The following CCDC15 variants were observed in gnomAD, a reference collection of about 807,000 sequenced individuals.
The protein encoded by CCDC15 is coiled-coil domain-containing protein 15.
A neutral mutation model predicts 114.5 loss-of-function variants in CCDC15; 105 were observed. That is an observed-to-expected ratio of 0.92 (90% CI 0.78 to 1.08). The LOEUF is 1.08. Ranked by LOEUF, CCDC15 falls within the 50% of genes least tolerant of loss-of-function variation. The probability of loss-of-function intolerance (pLI) is 0.00; values close to 1 mark genes in which losing one functional copy is unlikely to be tolerated. For missense variants in CCDC15, 1,105 were observed against 1,093.6 expected (o/e 1.01, Z -0.15); for synonymous variants, 334 against 377.8 (o/e 0.88, Z 1.34).
At chr11:124,956,089 C>T (rs1947544257) in intron 2 of CCDC15, among the ~76,000 whole-genome samples, 1 of 151,972 alleles carries the variant, frequency 6.6e-6, no homozygotes, top group Non-Finnish European at 1.5e-5. Context: ...TGGTTGCTGA[C>T]AGGATTATGG....
rs578176293 is a variant in CCDC15 at position 124,970,058 on chromosome 11, A to G, written c.517-5038A>G. Reference sequence around the variant, plus strand: ...AAACTGAGACAGTTCTAGGTAAACTAGTATAGTTGGTCACCTTGTTTCTAC... The same window carrying G: ...AAACTGAGACAGTTCTAGGTAAACTGGTATAGTTGGTCACCTTGTTTCTAC... On this transcript the variant is annotated intron_variant, in intron 4 of 15. Transcript: ENST00000344762. Among the ~76,000 whole-genome samples, 466 of 152,302 alleles carry G rather than the reference A, an allele frequency of 3.1e-3. 1 individual carries two copies. Among genetic ancestry groups the G allele is most frequent in the African/African-American group, 0.011 (440 of 41,546 alleles).
intron 13 of CCDC15, among the ~76,000 whole-genome samples, chr11:125,017,812 T>C (rs1445185808): frequency 2.0e-5 from 3 of 152,054 alleles, no homozygotes; most frequent in Non-Finnish European, 4.4e-5. Context: ...CTAACATGTA[T>C]TTATGTCTTA....
Position 124,959,991 on chromosome 11 carries a change from A to G in CCDC15, c.504A>G (p.Gln168=). ...AGAATCAGAACGAATTATTCCAACA[A>G]CAAGCCCAGGCTGTAAGTACCTGTT... ...DEENQNELFQ[Q]QAQALSETMK... is the part of the protein sequence containing the mutation. The change falls in exon 4 of 16, where the codon CAA becomes CAG. Residue 168 remains glutamine (Q), a synonymous_variant. Coordinates refer to ENST00000344762, the MANE Select transcript of CCDC15 (RefSeq NM_025004.3). 2 of 1,565,084 alleles carry G rather than the reference A, an allele frequency of 1.3e-6. No individual in the cohort carries two copies. The highest frequency in any genetic ancestry group is 1.9e-5 in the Admixed American group (1 of 52,462).
At chr11:124,965,589 C>T (rs1481731542) in intron 4 of CCDC15, among the ~76,000 whole-genome samples, 1 of 152,152 alleles carries the variant, frequency 6.6e-6, no homozygotes, top group Non-Finnish European at 1.5e-5. Flanking sequence ...TTTCAAAAAA[C>T]CAGCTCCTGG....
At chr11:125,036,702 C>T (rs1285118733) in intron 13 of CCDC15, among the ~76,000 whole-genome samples, 3 of 152,052 alleles carry the variant, frequency 2.0e-5, no homozygotes, top group Non-Finnish European at 4.4e-5. Context: ...TTCAAATAGC[C>T]TGTCTTCAAG....
chr11:125,004,504 C>A (rs1218938408), intron 12 of CCDC15, among the ~76,000 whole-genome samples: 1 of 151,966 alleles, frequency 6.6e-6, no homozygotes, highest in African/African-American at 2.4e-5. Flanking sequence ...TACCAAAAAG[C>A]CCTGCACTAC....
At chr11:124,996,243 T>A (rs1429209668) in intron 11 of CCDC15, among the ~76,000 whole-genome samples, 1 of 152,206 alleles carries the variant, frequency 6.6e-6, no homozygotes, top group African/African-American at 2.4e-5. Context: ...CCCAGTGCCC[T>A]ACCCTGACTA....
intron 6 of CCDC15, among the ~76,000 whole-genome samples, chr11:124,982,823 T>G (rs1291266454): frequency 1.3e-5 from 2 of 152,322 alleles, no homozygotes; most frequent in South Asian, 4.1e-4. Context: ...TTTCCTGAAT[T>G]TGAATGTTGG....
intron 2 of CCDC15, among the ~76,000 whole-genome samples, chr11:124,956,148 CT>C (rs941759037): frequency 1.3e-5 from 2 of 151,834 alleles, no homozygotes; most frequent in African/African-American, 4.8e-5. Flanking sequence ...AAGGGATTGA[CT>C]TTGTTTAATA....
At chr11:124,972,899 C>G (rs956177454) in intron 4 of CCDC15, among the ~76,000 whole-genome samples, 1 of 152,162 alleles carries the variant, frequency 6.6e-6, no homozygotes, top group Non-Finnish European at 1.5e-5. Context: ...TATGGATAAT[C>G]CAGGATTATC....
intron 13 of CCDC15, among the ~76,000 whole-genome samples, chr11:125,025,178 ATG>A (rs1190095378): frequency 1.4e-5 from 2 of 147,264 alleles, no homozygotes; most frequent in South Asian, 2.1e-4. Flanking sequence ...ATATGAATAT[ATG>A]TGAGTATATA....
At position 124,974,900 on chromosome 11, in the gene CCDC15, G is replaced by A. The variant is rs143995162; in HGVS notation, c.517-196G>A. 2.0e-5 allele frequency among the ~76,000 whole-genome samples: 3 copies of A among 152,244 alleles called. No individual in the cohort carries two copies. In the East Asian group the frequency reaches 5.8e-4, roughly 29 times the overall value. ...AACCGCCCTTAAACCAAGTTACAAA[G>A]TACAATCTCTAGAATAATGACAATA... On this transcript the variant is annotated intron_variant, in intron 4 of 15. Coordinates refer to ENST00000344762, the MANE Select transcript of CCDC15 (RefSeq NM_025004.3).
chr11:124,993,590 GA>G (rs1948308526), intron 11 of CCDC15, among the ~76,000 whole-genome samples: 2 of 152,266 alleles, frequency 1.3e-5, no homozygotes, highest in East Asian at 1.9e-4. Context: ...CGTGATATGA[GA>G]GATGAGAGAT....
intron 13 of CCDC15, among the ~76,000 whole-genome samples, chr11:125,030,209 A>G (rs1022797556): frequency 2.6e-5 from 4 of 152,148 alleles, no homozygotes; most frequent in African/African-American, 9.7e-5. Flanking sequence ...TATGGGAGAA[A>G]CAGTACCACA....
At chr11:125,038,261 TG>T in intron 13 of CCDC15, 169 bp from the exon 14 acceptor site, 1 of 481,666 alleles carries the variant, frequency 2.1e-6, no homozygotes, top group Non-Finnish European at 3.6e-6. Flanking sequence ...CATTTCTCTT[TG>T]GGAGGAGATA....
intron 13 of CCDC15, among the ~76,000 whole-genome samples, chr11:125,029,171 C>A (rs981436140): frequency 6.6e-6 from 1 of 152,282 alleles, no homozygotes; most frequent in African/African-American, 2.4e-5. Context: ...AAGAGTGGGT[C>A]TGCCCTTCCC....
chr11:125,003,821 GT>G, intron 11 of CCDC15, 45 bp from the exon 12 acceptor site: 1 of 1,143,190 alleles, frequency 8.7e-7, no homozygotes, highest in South Asian at 1.6e-5. Flanking sequence ...TCATGGGGTA[GT>G]TTTTGGTAAT....
intron 12 of CCDC15, among the ~76,000 whole-genome samples, chr11:125,004,333 G>A (rs918661163): frequency 5.9e-5 from 9 of 151,848 alleles, no homozygotes; most frequent in African/African-American, 1.9e-4. Context: ...ATCAGATGGG[G>A]AGCTTTTTTC....
intron 13 of CCDC15, among the ~76,000 whole-genome samples, chr11:125,021,229 T>C (rs2135535827): frequency 6.6e-6 from 1 of 151,906 alleles, no homozygotes; most frequent in Non-Finnish European, 1.5e-5. Flanking sequence ...AGGGAAAGTA[T>C]TGTGTCACAG....
Sources: allele counts gnomAD v4.1 joint callset (sites outside exome capture counted in the v4.1 genomes callset), GRCh38; gene constraint gnomAD v4.1.1; transcripts MANE v1.5; gene names NCBI Gene and HGNC (gene_info 2026-07-23, HGNC 2026-07-21).